The following DENR variants were observed in gnomAD, a reference collection of about 807,000 sequenced individuals.
DENR encodes the protein density-regulated protein.
DENR carries 6 observed loss-of-function variants against 30.6 expected under a neutral mutation model. That is an observed-to-expected ratio of 0.20 (90% CI 0.11 to 0.39). DENR has a LOEUF of 0.39. Ranked by LOEUF, DENR falls within the 10% of genes least tolerant of loss-of-function variation. The pLI, the probability that DENR is intolerant of heterozygous loss-of-function variation, is 1.00. For synonymous variants in DENR, 78 were observed against 72.1 expected, an observed-to-expected ratio of 1.08 and a Z score of -0.41; for missense variants, 141 against 230.9, an observed-to-expected ratio of 0.61 and a Z score of 2.52.
chr12:122,762,454 T>C (rs768856680), intron 3 of DENR, among the ~76,000 whole-genome samples: 1 of 152,202 alleles, frequency 6.6e-6, no homozygotes, highest in Non-Finnish European at 1.5e-5. Flanking sequence ...ATGGGACTTA[T>C]GAATAGTCAG....
rs375559262 is a variant in DENR, at chr12:122,752,871, C to G, written c.-89C>G. On this transcript the variant is annotated 5_prime_UTR_variant, in exon 1 of 8. Transcript: ENST00000280557. ...GGTCGGGCGCTCGGGCGGCCCTGGC[C>G]GGGGAGACGAGTTGCATGTGTTGGT... 29 of 152,516 alleles carry G rather than the reference C, an allele frequency of 1.9e-4. No individual in the cohort carries two copies. The highest frequency in any genetic ancestry group is 6.5e-4 in the African/African-American group (27 of 41,468). The allele number at this position is 152,516 out of a possible 1,614,324, so 9.4% of individuals were successfully genotyped here. A position where few individuals can be genotyped will look rare whatever the true frequency, so the allele number is the denominator to read the frequency against.
At position 122,769,309 on chromosome 12, in the gene DENR, C is replaced by CATATATGCATACATATATACACAT. The variant is rs34625739; in HGVS notation, c.*235_*236insATGCATACATATATACACATATAT. 1.4e-6 allele frequency: 1 copy of CATATATGCATACATATATACACAT among 737,790 alleles called. No individual in the cohort carries two copies. The highest frequency in any genetic ancestry group is 1.6e-6 in the Non-Finnish European group (1 of 607,018). The allele number at this position is 737,790 out of a possible 1,614,324, so 45.7% of individuals were successfully genotyped here. Reference sequence around the variant, plus strand: ...ACACATATATGTATACATATATACACATATGTATACATATATATATATTCT... The same window carrying CATATATGCATACATATATACACAT: ...ACACATATATGTATACATATATACACATATATGCATACATATATACACATATATGTATACATATATATATATTCT... On this transcript the variant is annotated 3_prime_UTR_variant, in exon 8 of 8. Transcript: ENST00000280557.
At position 122,770,660 on chromosome 12, in the gene DENR, G is replaced by A. The variant is rs1879012680; in HGVS notation, c.*1582G>A. 1 of 398,548 alleles carries A rather than the reference G, an allele frequency of 2.5e-6. No individual in the cohort carries two copies. The allele number at this position is 398,548 out of a possible 1,614,324, so 24.7% of individuals were successfully genotyped here. A position where few individuals can be genotyped will look rare whatever the true frequency, so the allele number is the denominator to read the frequency against. ...GTGCTGCAAATTGGAAAGAAGACTT[G>A]TGGTGTTTTAAGTTGCTGTGGACAC... On this transcript the variant is annotated 3_prime_UTR_variant, in exon 8 of 8. Transcript: ENST00000280557.
chr12:122,753,271 C>G (rs1390241356), intron 1 of DENR, among the ~76,000 whole-genome samples: 2 of 151,664 alleles, frequency 1.3e-5, no homozygotes, highest in Admixed American at 6.6e-5. Flanking sequence ...CCCCGGGCTT[C>G]TCCGATGACC....
At chr12:122,759,646 A>G (rs941147564) in intron 2 of DENR, among the ~76,000 whole-genome samples, 5 of 152,102 alleles carry the variant, frequency 3.3e-5, no homozygotes, top group African/African-American at 1.2e-4. Context: ...ACTTGGACCC[A>G]GGAGGTAGAG....
At chr12:122,765,245 CT>C (rs199533957) in intron 4 of DENR, 58 bp from the exon 5 acceptor site, 709 of 1,373,086 alleles carry the variant, frequency 5.2e-4, no homozygotes, top group Admixed American at 6.5e-4. Context: ...AAGGTGATTT[CT>C]TTTTTTTTAA....
At chr12:122,754,369 A>T (rs1265479226) in intron 2 of DENR, 1 of 152,906 alleles carries the variant, frequency 6.5e-6, no homozygotes, top group Non-Finnish European at 1.5e-5. Context: ...TTTAATCAAG[A>T]TCTTTTTCAC....
In DENR at chr12:122,762,895, G is replaced by T; in HGVS notation, c.177G>T (p.Lys59Asn). The stretch of plus-strand genomic sequence containing the variant: ...CTAAATGTAGACAATGGTTAGAGAA[G>T]AATTTTCCAAATGAATTTGCAAAAC... Reference protein sequence around the residue: ...DVAKCRQWLEKNFPNEFAKLT... With the variant: ...DVAKCRQWLENNFPNEFAKLT... Residue 59 changes from lysine to asparagine, a missense_variant, in exon 4 of 8, where the codon AAG becomes AAT. Lys to Asn is a moderately conservative substitution (Grantham distance 94). Coordinates refer to ENST00000280557, the MANE Select transcript of DENR (RefSeq NM_003677.5). The T allele has an allele frequency of 1.3e-6, 2 of 1,549,888 alleles. No homozygotes were observed. The highest frequency in any genetic ancestry group is 1.7e-6 in the Non-Finnish European group (2 of 1,146,410).
At position 122,769,151 on chromosome 12, in the gene DENR, AATAT is replaced by A; in HGVS notation, c.*85_*88del. The stretch of plus-strand genomic sequence containing the variant: ...GGCCAAAGGGAGAGAGGCCTTTTAA[AATAT>A]ATATATATATACACATATATATGTA... On this transcript the variant is annotated 3_prime_UTR_variant, in exon 8 of 8. Transcript: ENST00000280557. 2.4e-5 allele frequency: 33 copies of A among 1,374,672 alleles called. No homozygotes were observed. Among genetic ancestry groups the A allele is most frequent in the South Asian group, 4.5e-5 (3 of 66,600 alleles). The allele number at this position is 1,374,672 out of a possible 1,614,324, so 85.2% of individuals were successfully genotyped here.
chr12:122,755,165 G>C (rs1282724712), intron 2 of DENR, among the ~76,000 whole-genome samples: 2 of 152,200 alleles, frequency 1.3e-5, no homozygotes, highest in African/African-American at 4.8e-5. Context: ...GGGTGTACCT[G>C]GAACGAGGTG....
intron 4 of DENR, among the ~76,000 whole-genome samples, chr12:122,763,625 C>T (rs934986131): frequency 5.3e-5 from 8 of 151,874 alleles, no homozygotes; most frequent in African/African-American, 1.7e-4. Flanking sequence ...CGCTTGAATC[C>T]GGGAGGCAGA....
At chr12:122,766,986 A>G (rs1310868739) in intron 5 of DENR, among the ~76,000 whole-genome samples, 1 of 152,176 alleles carries the variant, frequency 6.6e-6, no homozygotes, top group African/African-American at 2.4e-5. Flanking sequence ...GTTCCCAAAT[A>G]TAACGCCTTT....
chr12:122,764,216 A>T (rs895859009), intron 4 of DENR, among the ~76,000 whole-genome samples: 1 of 152,156 alleles, frequency 6.6e-6, no homozygotes, highest in Non-Finnish European at 1.5e-5. Flanking sequence ...TTTTGCTCTT[A>T]GTTAGATGAT....
At chr12:122,765,631 C>G (rs1043644780) in intron 5 of DENR, among the ~76,000 whole-genome samples, 2 of 152,000 alleles carry the variant, frequency 1.3e-5, no homozygotes, top group Non-Finnish European at 2.9e-5. Context: ...TCATCCCTTA[C>G]AAAAAGGGGG....
chr12:122,753,851 T>C (rs373035127), intron 2 of DENR, 44 bp downstream of exon 2: 2 of 1,420,116 alleles, frequency 1.4e-6, no homozygotes, highest in African/African-American at 1.4e-5. Flanking sequence ...CACTATACTT[T>C]TATGCATTGT....
intron 4 of DENR, among the ~76,000 whole-genome samples, chr12:122,764,659 A>G (rs191327963): frequency 6.6e-6 from 1 of 152,302 alleles, no homozygotes; most frequent in East Asian, 1.9e-4. Flanking sequence ...AGAATTCCTC[A>G]GTTTTCTCAT....
chr12:122,761,035 C>T (rs776638325), intron 2 of DENR, among the ~76,000 whole-genome samples: 5 of 152,032 alleles, frequency 3.3e-5, no homozygotes, highest in Non-Finnish European at 7.4e-5. Context: ...ATTACTTGAG[C>T]TGAGGAGTTC....
At chr12:122,762,973 C>T (rs1317407234) in intron 4 of DENR, 44 bp downstream of exon 4, 2 of 1,046,598 alleles carry the variant, frequency 1.9e-6, no homozygotes, top group African/African-American at 3.2e-5. Flanking sequence ...GTACCTGAGA[C>T]AAATGCATGT....
chr12:122,758,127 A>G (rs915157918), intron 2 of DENR, among the ~76,000 whole-genome samples: 8 of 152,196 alleles, frequency 5.3e-5, no homozygotes, highest in Non-Finnish European at 4.4e-5. Context: ...ACTGGAGTGT[A>G]ATGGCGTGAT....
Sources: gnomAD v4.1 joint callset for allele counts (sites outside exome capture counted in the v4.1 genomes callset) on GRCh38, gnomAD v4.1.1 for gene constraint, MANE v1.5 for transcripts, NCBI Gene and HGNC (gene_info 2026-07-23, HGNC 2026-07-21) for gene names.